The following TTC28 variants were observed in gnomAD, a reference collection of about 807,000 sequenced individuals.
TTC28 encodes tetratricopeptide repeat domain 28, also known as tetratricopeptide repeat protein 28.
TTC28 carries 61 observed loss-of-function variants against 198.0 expected under a neutral mutation model. That is an observed-to-expected ratio of 0.31 (90% confidence interval 0.25 to 0.38). The LOEUF is 0.38. TTC28 is among the 10% of genes least tolerant of loss of function. TTC28 has a pLI of 1.00. For missense variants in TTC28, 2,678 were observed against 3,164.0 expected (o/e 0.85, Z 3.69); for synonymous variants, 1,171 against 1,297.8 (o/e 0.90, Z 2.10).
intron 6 of TTC28, among the ~76,000 whole-genome samples, chr22:28,151,028 C>A (rs1046855820): frequency 6.6e-6 from 1 of 152,182 alleles, no homozygotes; most frequent in Admixed American, 6.5e-5. Context: ...GGCTGCCTAA[C>A]GGGAAAAGTC....
At chr22:28,180,669 A>G (rs1923611435) in intron 5 of TTC28, among the ~76,000 whole-genome samples, 1 of 152,124 alleles carries the variant, frequency 6.6e-6, no homozygotes, top group Admixed American at 6.6e-5. Context: ...TTCTTCTTGG[A>G]TCAAAGTGGA....
At chr22:28,362,124 A>G (rs375007338) in intron 2 of TTC28, among the ~76,000 whole-genome samples, 2 of 152,124 alleles carry the variant, frequency 1.3e-5, no homozygotes, top group South Asian at 2.1e-4. Context: ...GTGTTTCAAT[A>G]TGGTGTGGCT....
chr22:28,293,406 G>A (rs1451821644), intron 5 of TTC28, among the ~76,000 whole-genome samples: 1 of 152,054 alleles, frequency 6.6e-6, no homozygotes, highest in Non-Finnish European at 1.5e-5. Context: ...TTTATATATG[G>A]AGTCTAAAAT....
chr22:28,174,451 C>A (rs1219317291), intron 5 of TTC28, among the ~76,000 whole-genome samples: 1 of 152,156 alleles, frequency 6.6e-6, no homozygotes, highest in Non-Finnish European at 1.5e-5. Flanking sequence ...AAAGACAACA[C>A]AAGAAGTTTG....
At chr22:28,169,958 T>C (rs1295717124) in intron 5 of TTC28, among the ~76,000 whole-genome samples, 1 of 152,124 alleles carries the variant, frequency 6.6e-6, no homozygotes, top group Non-Finnish European at 1.5e-5. Context: ...TTGCTAATCG[T>C]ACTTCTATCA....
chr22:28,639,747 A>G (rs189620535), intron 1 of TTC28, among the ~76,000 whole-genome samples: 46 of 152,330 alleles, frequency 3.0e-4, no homozygotes, highest in African/African-American at 1.0e-3. Context: ...TGTGAGTCCA[A>G]TTAAACCTCT....
chr22:28,479,009 C>T lies in TTC28; in HGVS notation c.381+150543G>A, dbSNP rs530340045. On this transcript the variant is annotated intron_variant, in intron 2 of 22. Transcript: ENST00000397906. ...CTTATAAACTCCATTTGAGCAGGGGCCTATCTTGCTCACTTCTGACTTCCC... is the reference window on the plus strand; with the variant it reads ...CTTATAAACTCCATTTGAGCAGGGGTCTATCTTGCTCACTTCTGACTTCCC... 3.0e-4 allele frequency among the ~76,000 whole-genome samples: 45 copies of T among 152,242 alleles called. 1 individual carries two copies. In the South Asian group the frequency reaches 8.9e-3, roughly 30 times the overall value.
intron 12 of TTC28, among the ~76,000 whole-genome samples, chr22:28,083,699 G>A (rs1276421170): frequency 6.6e-6 from 1 of 152,236 alleles, no homozygotes. Flanking sequence ...TGCATGAGAT[G>A]AAGCAGGGCG....
chr22:28,436,135 G>GAATGAGTCACCCTCGTTACTAATT (rs2047516969), intron 2 of TTC28, among the ~76,000 whole-genome samples: 1 of 152,128 alleles, frequency 6.6e-6, no homozygotes, highest in African/African-American at 2.4e-5. Flanking sequence ...CGTTACTAAT[G>GAATGAGTCACCCTCGTTACTAATT]AATAAGTCAC....
rs34790960 is a variant in TTC28 at position 28,201,751 on chromosome 22, C to CAA, written c.934-38154_934-38153dup. 5.8e-3 allele frequency among the ~76,000 whole-genome samples: 471 copies of CAA among 80,950 alleles called. 1 individual carries two copies. The highest frequency in any genetic ancestry group is 7.1e-3 in the Non-Finnish European group (296 of 41,476). The allele number at this position is 80,950 out of a possible 152,430, so 53.1% of individuals were successfully genotyped here. On this transcript the variant is annotated intron_variant, in intron 5 of 22. Coordinates refer to ENST00000397906, the MANE Select transcript of TTC28 (RefSeq NM_001145418.2). ...TTGTGAAAGATCTGATTACAGAAAG[C>CAA]AAAAAAAAAAAAAAAAAAGAGGGGA...
At chr22:28,569,514 T>C (rs1459324366) in intron 2 of TTC28, among the ~76,000 whole-genome samples, 1 of 152,092 alleles carries the variant, frequency 6.6e-6, no homozygotes. Flanking sequence ...ATGCAGAAGA[T>C]TGAAAGTGGA....
intron 5 of TTC28, among the ~76,000 whole-genome samples, chr22:28,263,085 C>T (rs1931434643): frequency 6.6e-6 from 1 of 151,998 alleles, no homozygotes; most frequent in Non-Finnish European, 1.5e-5. Flanking sequence ...TAAGAAAGCC[C>T]TAAAATTGGC....
intron 5 of TTC28, among the ~76,000 whole-genome samples, chr22:28,215,928 CTAAT>C (rs939176303): frequency 7.9e-5 from 12 of 152,302 alleles, no homozygotes; most frequent in African/African-American, 2.6e-4. Flanking sequence ...AAAGTACAGG[CTAAT>C]TAAATTTTGA....
intron 2 of TTC28, among the ~76,000 whole-genome samples, chr22:28,520,146 T>C (rs765006218): frequency 5.3e-5 from 8 of 151,866 alleles, no homozygotes; most frequent in Non-Finnish European, 1.0e-4. Flanking sequence ...TCGGTTTGAG[T>C]CCCAACTTTA....
chr22:28,280,617 C>T (rs1233391123), intron 5 of TTC28, among the ~76,000 whole-genome samples: 2 of 152,126 alleles, frequency 1.3e-5, no homozygotes, highest in Non-Finnish European at 2.9e-5. Flanking sequence ...GGATTACAGG[C>T]AAGAGCCACT....
In TTC28 at chr22:28,108,065, C is replaced by A; in HGVS notation, c.1780G>T (p.Ala594Ser). ...TTGCCCAGGTTGCTGAGGGCCCGGGCCTCGCTCTGGATGTCTCGTAGCTCC... is the reference window on the plus strand; with the variant it reads ...TTGCCCAGGTTGCTGAGGGCCCGGGACTCGCTCTGGATGTCTCGTAGCTCC... Reference protein sequence around the residue: ...ARELRDIQSEARALSNLGNFH... With the variant: ...ARELRDIQSESRALSNLGNFH... Residue 594 changes from alanine to serine, a missense_variant, in exon 7 of 23, where the codon GCC becomes TCC. Coordinates refer to ENST00000397906, the MANE Select transcript of TTC28 (RefSeq NM_001145418.2). 6.4e-7 allele frequency: 1 copy of A among 1,551,650 alleles called. No individual in the cohort carries two copies. The highest frequency in any genetic ancestry group is 8.7e-7 in the Non-Finnish European group (1 of 1,146,986).
chr22:28,640,183 T>A (rs2051340289), intron 1 of TTC28, among the ~76,000 whole-genome samples: 1 of 150,436 alleles, frequency 6.6e-6, no homozygotes, highest in Non-Finnish European at 1.5e-5. Context: ...CACTTGAGCC[T>A]AAGGAGGTTT....
At chr22:28,363,764 T>C (rs1035542748) in intron 2 of TTC28, among the ~76,000 whole-genome samples, 4 of 152,174 alleles carry the variant, frequency 2.6e-5, no homozygotes, top group Non-Finnish European at 5.9e-5. Flanking sequence ...GGAGATCATT[T>C]TGGAGCTTTA....
At chr22:28,102,444 C>T (rs1484011544) in intron 8 of TTC28, among the ~76,000 whole-genome samples, 1 of 152,234 alleles carries the variant, frequency 6.6e-6, no homozygotes, top group African/African-American at 2.4e-5. Context: ...GGTTTCAGGA[C>T]ACCAGCAACC....
Sources: allele counts gnomAD v4.1 joint callset (sites outside exome capture counted in the v4.1 genomes callset), GRCh38; gene constraint gnomAD v4.1.1; transcripts MANE v1.5; gene names NCBI Gene and HGNC (gene_info 2026-07-23, HGNC 2026-07-21).